The following CALCRL variants were observed in gnomAD, a reference collection of about 807,000 sequenced individuals.
CALCRL encodes calcitonin receptor like receptor.
In CALCRL, 27 loss-of-function variants were observed where a neutral mutation model predicts 60.4. The observed-to-expected ratio is 0.45, with a 90% CI of 0.33 to 0.62. The LOEUF is 0.62. Among genes scored for constraint, CALCRL ranks in the 20% least tolerant of loss-of-function variants. The probability of loss-of-function intolerance (pLI) is 0.03; values close to 1 mark genes in which losing one functional copy is unlikely to be tolerated. For synonymous variants in CALCRL, 190 were observed against 182.6 expected, an observed-to-expected ratio of 1.04 and a Z score of -0.33; for missense variants, 424 against 540.7, an observed-to-expected ratio of 0.78 and a Z score of 2.14.
intron 1 of CALCRL, among the ~76,000 whole-genome samples, chr2:187,398,045 C>T (rs937975962): frequency 1.3e-5 from 2 of 151,526 alleles, no homozygotes; most frequent in Admixed American, 6.6e-5. Flanking sequence ...AGCCATTTTC[C>T]GGTGATTTTA....
At chr2:187,399,555 G>A (rs544499292) in intron 1 of CALCRL, among the ~76,000 whole-genome samples, 1 of 151,564 alleles carries the variant, frequency 6.6e-6, no homozygotes, top group South Asian at 2.1e-4. Context: ...AAAATGAAGA[G>A]ACAGCACACA....
At chr2:187,426,251 T>TC (rs1260414611) in intron 1 of CALCRL, among the ~76,000 whole-genome samples, 1 of 151,444 alleles carries the variant, frequency 6.6e-6, no homozygotes, top group Non-Finnish European at 1.5e-5. Context: ...TATTTTTTTT[T>TC]TTTGCAGACG....
rs193069145 is a variant in CALCRL at position 187,368,078 on chromosome 2, G to A, written c.501-4576C>T. ...CCATCTATTGATGGTATAACTTTGG[G>A]TAAATTATTTAAGATCTTGAATCTT... On this transcript the variant is annotated intron_variant, in intron 8 of 14. Transcript: ENST00000392370. Among the ~76,000 whole-genome samples the A allele has an allele frequency of 1.4e-4, 22 of 152,078 alleles. No individual in the cohort carries two copies. In the East Asian group the frequency reaches 3.3e-3, roughly 23 times the overall value.
intron 1 of CALCRL, chr2:187,415,705 G>A (rs1457547368): frequency 5.3e-6 from 3 of 571,190 alleles, no homozygotes; most frequent in African/African-American, 3.9e-5. Flanking sequence ...CTTCAACAGT[G>A]ACACCCACTC....
chr2:187,375,524 C>T (rs917937090), intron 8 of CALCRL, among the ~76,000 whole-genome samples: 1 of 151,970 alleles, frequency 6.6e-6, no homozygotes, highest in African/African-American at 2.4e-5. Context: ...AAAGTGTTGC[C>T]AATGTAGCAT....
intron 1 of CALCRL, among the ~76,000 whole-genome samples, chr2:187,399,257 C>CT (rs1319736385): frequency 6.6e-6 from 1 of 151,494 alleles, no homozygotes; most frequent in African/African-American, 2.4e-5. Context: ...TCAAAACTGA[C>CT]TTTTTTATCC....
chr2:187,393,232 G>A (rs1412532865), intron 1 of CALCRL, among the ~76,000 whole-genome samples: 1 of 152,088 alleles, frequency 6.6e-6, no homozygotes, highest in Non-Finnish European at 1.5e-5. Context: ...CTCTGGAACA[G>A]AACCTTTTGG....
At chr2:187,427,098 G>A (rs1192173691) in intron 1 of CALCRL, among the ~76,000 whole-genome samples, 1 of 152,078 alleles carries the variant, frequency 6.6e-6, no homozygotes, top group Non-Finnish European at 1.5e-5. Context: ...CAACACTTGT[G>A]TTTTTTGTGT....
chr2:187,366,221 G>A (rs1687278442), intron 8 of CALCRL, among the ~76,000 whole-genome samples: 1 of 129,076 alleles, frequency 7.7e-6, no homozygotes, highest in African/African-American at 3.0e-5. Flanking sequence ...CCGCAGTCCG[G>A]CCTGGGCGAC....
At chr2:187,353,509 A>G (rs1469838040) in intron 12 of CALCRL, among the ~76,000 whole-genome samples, 1 of 152,000 alleles carries the variant, frequency 6.6e-6, no homozygotes, top group Admixed American at 6.6e-5. Context: ...TGGGCACAAA[A>G]ATATTCTACC....
At chr2:187,437,375 T>G (rs940282605) in intron 1 of CALCRL, among the ~76,000 whole-genome samples, 6 of 152,280 alleles carry the variant, frequency 3.9e-5, no homozygotes, top group African/African-American at 1.4e-4. Context: ...ACCCAGTCTC[T>G]ATTAAAAATA....
Position 187,342,710 on chromosome 2 carries a change from G to A in CALCRL, c.*3474C>T, listed in dbSNP as rs181838329. Among the ~76,000 whole-genome samples, 1 of 151,644 alleles carries A rather than the reference G, an allele frequency of 6.6e-6. No homozygotes were observed. Among genetic ancestry groups the A allele is most frequent in the African/African-American group, 2.4e-5 (1 of 41,520 alleles). The stretch of plus-strand genomic sequence containing the variant: ...ATAAAAATTAGTTATTAAGTGGAAT[G>A]CAACTGATTATTGCCCTAAGGATAG... On this transcript the variant is annotated 3_prime_UTR_variant, in exon 15 of 15. Coordinates refer to ENST00000392370, the MANE Select transcript of CALCRL (RefSeq NM_005795.6).
At position 187,359,243 on chromosome 2, in the gene CALCRL, C is replaced by T; in HGVS notation, c.811G>A (p.Ala271Thr). 1 of 1,580,774 alleles carries T rather than the reference C, an allele frequency of 6.3e-7. No individual in the cohort carries two copies. The highest frequency in any genetic ancestry group is 8.6e-7 in the Non-Finnish European group (1 of 1,162,850). ...TTGTAATATAAGCTTCTAGCAATGG[C>T]ATGTATACAAGCAGGAATCAGTGGA... ...GFPLIPACIH[A>T]IARSLYYNDN... The change falls in exon 11 of 15, where the codon GCC (alanine) becomes ACC (threonine). Residue 271 changes from alanine to threonine, a missense_variant. Ala to Thr is a moderately conservative substitution (Grantham distance 58, BLOSUM62 0). Around this residue, in one of 7 missense-constraint regions of CALCRL, gnomAD observed 222 missense variants for 265.6 expected, o/e 0.84. Coordinates refer to ENST00000392370, the MANE Select transcript of CALCRL (RefSeq NM_005795.6).
chr2:187,408,154 T>C (rs908243042), intron 1 of CALCRL, among the ~76,000 whole-genome samples: 12 of 152,100 alleles, frequency 7.9e-5, no homozygotes, highest in African/African-American at 2.9e-4. Flanking sequence ...TTAATATAAA[T>C]ACATTAAGTA....
intron 1 of CALCRL, among the ~76,000 whole-genome samples, chr2:187,410,500 T>A (rs1689311521): frequency 6.6e-6 from 1 of 152,124 alleles, no homozygotes; most frequent in South Asian, 2.1e-4. Flanking sequence ...GTAAACCTCT[T>A]GTTTTGAAGC....
chr2:187,363,427 G>C lies in CALCRL; in HGVS notation c.576C>G (p.Ile192Met). The C allele has an allele frequency of 6.2e-7, 1 of 1,612,536 alleles. No homozygotes were observed. Residue 192 changes from isoleucine to methionine, a missense_variant, in exon 9 of 15, where the codon ATC becomes ATG. By Grantham distance (10) the Ile-to-Met change is conservative (BLOSUM62 1). Around this residue, in one of 7 missense-constraint regions of CALCRL, gnomAD observed 43 missense variants for 40.9 expected, o/e 1.05. Transcript: ENST00000392370. ...TGTTGGCCACTGCAGTGAGGTGAAT[G>C]ATTGTTACAACAGAGTTACAAACAA... ...FSFVCNSVVT[I>M]IHLTAVANNQ...
intron 1 of CALCRL, among the ~76,000 whole-genome samples, chr2:187,418,138 A>G (rs2105865493): frequency 6.6e-6 from 1 of 152,192 alleles, no homozygotes; most frequent in East Asian, 1.9e-4. Flanking sequence ...CCTTTCACCC[A>G]CACCCCCAGG....
At chr2:187,438,572 T>C (rs1690753875) in intron 1 of CALCRL, among the ~76,000 whole-genome samples, 1 of 152,136 alleles carries the variant, frequency 6.6e-6, no homozygotes, top group Non-Finnish European at 1.5e-5. Flanking sequence ...ATAGGCTCTT[T>C]AGTGCTATTG....
intron 5 of CALCRL, among the ~76,000 whole-genome samples, chr2:187,382,267 T>TAATAAAG (rs1688013496): frequency 6.6e-6 from 1 of 152,176 alleles, no homozygotes; most frequent in African/African-American, 2.4e-5. Flanking sequence ...AATAGCTCTT[T>TAATAAAG]ATTGCAAGAC....
Sources: allele counts gnomAD v4.1 joint callset (sites outside exome capture counted in the v4.1 genomes callset), GRCh38; gene constraint gnomAD v4.1.1; regional missense constraint gnomAD v4.1.1; transcripts MANE v1.5; gene names NCBI Gene and HGNC (gene_info 2026-07-23, HGNC 2026-07-21).